TMTC2: variants seen among roughly 807,000 people sequenced by gnomAD.
TMTC2 encodes protein O-mannosyl-transferase TMTC2.
A neutral mutation model predicts 82.4 loss-of-function variants in TMTC2; 43 were observed. The observed-to-expected ratio is 0.52, with a 90% CI of 0.41 to 0.67. TMTC2 has a LOEUF of 0.67. Among genes scored for constraint, TMTC2 ranks in the 30% least tolerant of loss-of-function variants. The pLI, the probability that TMTC2 is intolerant of heterozygous loss-of-function variation, is 0.00. For synonymous variants in TMTC2, 408 were observed against 381.9 expected, an observed-to-expected ratio of 1.07 and a Z score of -0.80; for missense variants, 919 against 1,012.4, an observed-to-expected ratio of 0.91 and a Z score of 1.25.
At chr12:82,929,042 A>G (rs1875875035) in intron 3 of TMTC2, among the ~76,000 whole-genome samples, 1 of 152,010 alleles carries the variant, frequency 6.6e-6, no homozygotes, top group Non-Finnish European at 1.5e-5. Flanking sequence ...AGGGTTTACC[A>G]TGTTTCAGGC....
chr12:83,113,443 A>G (rs1232852966), intron 11 of TMTC2, among the ~76,000 whole-genome samples: 1 of 152,244 alleles, frequency 6.6e-6, no homozygotes, highest in Non-Finnish European at 1.5e-5. Context: ...TCTCAGAAAT[A>G]AAGGCAAAAT....
In TMTC2 at chr12:82,896,114, T is replaced by C; in HGVS notation, c.951T>C (p.Tyr317=). 6.2e-7 allele frequency: 1 copy of C among 1,614,024 alleles called. No individual in the cohort carries two copies. Among genetic ancestry groups the C allele is most frequent in the Non-Finnish European group, 8.5e-7 (1 of 1,180,000 alleles). ...GAAACCTACACACTGTGGCCTTCTATACTGGACTCCTTCTCCTTGCCTACT... is the reference window on the plus strand; with the variant it reads ...GAAACCTACACACTGTGGCCTTCTACACTGGACTCCTTCTCCTTGCCTACT... ...DWRNLHTVAF[Y]TGLLLLAYYG... is the part of the protein sequence containing the mutation. Residue 317 remains tyrosine (Y), a synonymous_variant, in exon 3 of 12, where the codon TAT becomes TAC. Coordinates refer to ENST00000321196, the MANE Select transcript of TMTC2 (RefSeq NM_152588.3).
At chr12:82,723,093 A>G (rs1213527629) in intron 1 of TMTC2, among the ~76,000 whole-genome samples, 1 of 152,232 alleles carries the variant, frequency 6.6e-6, no homozygotes, top group Non-Finnish European at 1.5e-5. Context: ...AGTTACATTT[A>G]TGCCACATCA....
At chr12:82,736,210 C>T (rs564689064) in intron 1 of TMTC2, among the ~76,000 whole-genome samples, 40 of 152,180 alleles carry the variant, frequency 2.6e-4, no homozygotes, top group Admixed American at 7.9e-4. Context: ...ATTTTGACTA[C>T]ATCTAAGTAT....
intron 1 of TMTC2, among the ~76,000 whole-genome samples, chr12:82,845,252 AATATATAT>A (rs1555190263): frequency 1.8e-4 from 7 of 38,806 alleles, no homozygotes; most frequent in South Asian, 1.0e-3. Flanking sequence ...AAAAAAAAAA[AATATATAT>A]ATATATATAT....
intron 1 of TMTC2, among the ~76,000 whole-genome samples, chr12:82,810,149 C>T (rs1447724771): frequency 1.3e-5 from 2 of 151,306 alleles, no homozygotes; most frequent in African/African-American, 4.8e-5. Context: ...AGAGAGAAGA[C>T]TGAATTATAA....
At chr12:82,711,747 G>A (rs1020069365) in intron 1 of TMTC2, among the ~76,000 whole-genome samples, 3 of 152,216 alleles carry the variant, frequency 2.0e-5, no homozygotes, top group African/African-American at 7.2e-5. Flanking sequence ...TGAAATGTCT[G>A]CAGCAGATAG....
chr12:82,818,470 A>C (rs973963718), intron 1 of TMTC2, among the ~76,000 whole-genome samples: 3 of 152,152 alleles, frequency 2.0e-5, no homozygotes, highest in Non-Finnish European at 2.9e-5. Flanking sequence ...ACTTGACCAC[A>C]TGCCCTAGAC....
Position 82,798,807 on chromosome 12 carries a change from C to CAAA in TMTC2, c.84-58189_84-58187dup, listed in dbSNP as rs544522111. Reference sequence around the variant, plus strand: ...GGGCAACAAGAGGGTAACTCCGTCTCAAAAAAAAAAAAAAAAGGATGTAAA... The same window carrying CAAA: ...GGGCAACAAGAGGGTAACTCCGTCTCAAAAAAAAAAAAAAAAAAAGGATGTAAA... On this transcript the variant is annotated intron_variant, in intron 1 of 11. Transcript: ENST00000321196. 4.5e-5 allele frequency among the ~76,000 whole-genome samples: 4 copies of CAAA among 88,378 alleles called. 1 individual carries two copies. The highest frequency in any genetic ancestry group is 1.2e-4 in the Admixed American group (1 of 8,154). The allele number at this position is 88,378 out of a possible 152,430, so 58.0% of individuals were successfully genotyped here.
At chr12:82,814,787 T>G (rs1193058730) in intron 1 of TMTC2, among the ~76,000 whole-genome samples, 2 of 152,126 alleles carry the variant, frequency 1.3e-5, no homozygotes, top group African/African-American at 4.8e-5. Context: ...GGAACATTAT[T>G]TTAGGAAGAT....
chr12:83,022,597 C>T (rs1457602840), intron 8 of TMTC2, among the ~76,000 whole-genome samples: 1 of 152,036 alleles, frequency 6.6e-6, no homozygotes, highest in Non-Finnish European at 1.5e-5. Context: ...CTGAAGCCTT[C>T]TCTTTCATTT....
At chr12:82,755,840 G>T (rs1466013619) in intron 1 of TMTC2, among the ~76,000 whole-genome samples, 1 of 152,022 alleles carries the variant, frequency 6.6e-6, no homozygotes, top group Non-Finnish European at 1.5e-5. Context: ...TTTTGTTGTG[G>T]TGGTTGTTGT....
chr12:82,736,935 A>G (rs184861650), intron 1 of TMTC2, among the ~76,000 whole-genome samples: 1 of 152,286 alleles, frequency 6.6e-6, no homozygotes, highest in Non-Finnish European at 1.5e-5. Flanking sequence ...CAAACTAACA[A>G]ATGCCCTATT....
At position 82,888,811 on chromosome 12, in the gene TMTC2, A is replaced by G. The variant is rs920435016; in HGVS notation, c.655-7007A>G. Among the ~76,000 whole-genome samples the G allele has an allele frequency of 3.9e-5, 6 of 152,190 alleles. No homozygotes were observed. The South Asian group carries it at 6.2e-4, about 16-fold the overall frequency. ...CTAGAAGAGAGTGTTTTGATATTGT[A>G]TATCCCACTGCTGTGCATTTTGCTT... is the stretch of plus-strand genomic sequence containing the variant. On this transcript the variant is annotated intron_variant, in intron 2 of 11. Transcript: ENST00000321196.
chr12:82,847,209 T>G (rs1008290394), intron 1 of TMTC2, among the ~76,000 whole-genome samples: 4 of 152,216 alleles, frequency 2.6e-5, no homozygotes, highest in Non-Finnish European at 4.4e-5. Context: ...ATAGGTTAAG[T>G]GGCAAATGAG....
intron 3 of TMTC2, among the ~76,000 whole-genome samples, chr12:82,908,334 T>A (rs1046653048): frequency 6.6e-6 from 1 of 152,158 alleles, no homozygotes; most frequent in Non-Finnish European, 1.5e-5. Flanking sequence ...GGTTTTTGAT[T>A]TTTTCACCAT....
At chr12:82,822,514 C>T (rs1869173291) in intron 1 of TMTC2, among the ~76,000 whole-genome samples, 1 of 151,990 alleles carries the variant, frequency 6.6e-6, no homozygotes, top group Non-Finnish European at 1.5e-5. Flanking sequence ...TATATTTCTC[C>T]CCTTTTTTGG....
At chr12:82,804,472 A>G (rs2137040653) in intron 1 of TMTC2, among the ~76,000 whole-genome samples, 1 of 152,248 alleles carries the variant, frequency 6.6e-6, no homozygotes, top group South Asian at 2.1e-4. Context: ...AAGAGGTGTT[A>G]CTTCTTCACT....
intron 11 of TMTC2, among the ~76,000 whole-genome samples, chr12:83,085,018 G>A (rs1389582576): frequency 6.6e-6 from 1 of 152,182 alleles, no homozygotes; most frequent in Non-Finnish European, 1.5e-5. Context: ...GGTAAGTAAA[G>A]CAAGGTCCAG....
Sources: gnomAD v4.1 joint callset for allele counts (sites outside exome capture counted in the v4.1 genomes callset) on GRCh38, gnomAD v4.1.1 for gene constraint, MANE v1.5 for transcripts, NCBI Gene and HGNC (gene_info 2026-07-23, HGNC 2026-07-21) for gene names.